Variants in AATK observed in about 807,000 individuals in gnomAD.
AATK encodes lemur tail kinase 1.
AATK carries 91 observed loss-of-function variants against 114.3 expected under a neutral mutation model. The ratio of observed to expected loss-of-function variants is 0.80; its 90% CI spans 0.67 to 0.95. AATK has a LOEUF of 0.95. Ranked by LOEUF, AATK falls within the 40% of genes least tolerant of loss-of-function variation. The probability of loss-of-function intolerance (pLI) is 0.00; values close to 1 mark genes in which losing one functional copy is unlikely to be tolerated. For synonymous variants in AATK, 1,075 were observed against 916.5 expected, an observed-to-expected ratio of 1.17 and a Z score of -3.12; for missense variants, 2,176 against 1,965.2, an observed-to-expected ratio of 1.11 and a Z score of -2.03.
intron 10 of AATK, 21 bp downstream of exon 10, chr17:81,123,173 A>G: frequency 7.0e-7 from 1 of 1,420,470 alleles, no homozygotes; most frequent in Non-Finnish European, 9.2e-7. Flanking sequence ...GCTGTCCGGG[A>G]CAGGGCAGTG....
intron 1 of AATK, among the ~76,000 whole-genome samples, chr17:81,135,586 A>G (rs2146338637): frequency 6.6e-6 from 1 of 151,982 alleles, no homozygotes; most frequent in Non-Finnish European, 1.5e-5. Flanking sequence ...TCTCTACCCC[A>G]CTGGACGAGC....
chr17:81,162,830 C>T (rs1212124508), intron 1 of AATK, among the ~76,000 whole-genome samples: 1 of 151,916 alleles, frequency 6.6e-6, no homozygotes. Flanking sequence ...AGGGGAGAGG[C>T]GGGGGTTGGG....
intron 1 of AATK, among the ~76,000 whole-genome samples, chr17:81,158,785 C>G (rs2061396931): frequency 6.6e-6 from 1 of 152,218 alleles, no homozygotes; most frequent in African/African-American, 2.4e-5. Flanking sequence ...TGCTCACGAG[C>G]CCGGGCGTTA....
Position 81,122,639 on chromosome 17 carries a change from G to C in AATK, c.1297C>G (p.Pro433Ala), listed in dbSNP as rs762246051. ...GVGPGPGAAG[P>A]MLGGVVELAA... ...AGCTCCACCACGCCGCCCAGCATGG[G>C]CCCCGCCGCACCGGGCCCGGGCCCC... Residue 433 changes from proline to alanine, a missense_variant, in exon 11 of 14, where the codon CCC (proline) becomes GCC (alanine). Pro to Ala is a conservative substitution (Grantham distance 27, BLOSUM62 -1). Transcript: ENST00000326724. 4 of 1,438,578 alleles carry C rather than the reference G, an allele frequency of 2.8e-6. No individual in the cohort carries two copies. In the African/African-American group the frequency reaches 4.5e-5, roughly 16 times the overall value. 89.1% of individuals were successfully genotyped at this position (1,438,578 alleles called of 1,614,324 possible). A position where few individuals can be genotyped will look rare whatever the true frequency, so the allele number is the denominator to read the frequency against.
At chr17:81,137,520 T>C (rs916240593) in intron 1 of AATK, among the ~76,000 whole-genome samples, 10 of 152,124 alleles carry the variant, frequency 6.6e-5, no homozygotes, top group Non-Finnish European at 1.3e-4. Context: ...TGGAGCCTTC[T>C]CTGTGCCCTC....
rs555720054 is a variant in AATK, at chr17:81,137,435, C to T, written c.56-2934G>A. ...ACAGTCTCTCGGCCGCAGGCTGATGCCTCCCTCAGGCCCACCTGCTCTCGG... is the reference window on the plus strand; with the variant it reads ...ACAGTCTCTCGGCCGCAGGCTGATGTCTCCCTCAGGCCCACCTGCTCTCGG... On this transcript the variant is annotated intron_variant, in intron 1 of 13. Coordinates refer to ENST00000326724, the MANE Select transcript of AATK (RefSeq NM_001080395.3). 3.0e-3 allele frequency among the ~76,000 whole-genome samples: 459 copies of T among 152,140 alleles called. 4 individuals are homozygous for T. The highest frequency in any genetic ancestry group is 0.011 in the African/African-American group (448 of 41,482).
At chr17:81,131,002 C>G (rs2060922287) in intron 3 of AATK, 59 bp downstream of exon 3, 1 of 1,524,404 alleles carries the variant, frequency 6.6e-7, no homozygotes, top group Non-Finnish European at 8.8e-7. Context: ...AGATCACACC[C>G]AACGCCCAGC....
At chr17:81,120,179 AC>A in intron 11 of AATK, 21 bp downstream of exon 11, 1 of 1,548,350 alleles carries the variant, frequency 6.5e-7, no homozygotes, top group African/African-American at 1.4e-5. Context: ...CCCCGGGCAG[AC>A]CCCGGGTGGC....
chr17:81,125,842 G>C (rs12941430), intron 7 of AATK: 1 of 461,996 alleles, frequency 2.2e-6, no homozygotes, highest in African/African-American at 2.0e-5. Context: ...GGGCAGGGCA[G>C]CTGGGGCCCG....
Position 81,126,082 on chromosome 17 carries a change from C to T in AATK, c.755+345G>A, listed in dbSNP as rs541955820. On this transcript the variant is annotated intron_variant, in intron 7 of 13. Coordinates refer to ENST00000326724, the MANE Select transcript of AATK (RefSeq NM_001080395.3). This position sits in a 1 kb window ranked among gnomAD's most constrained non-coding sequence, Gnocchi z 5.1. The stretch of plus-strand genomic sequence containing the variant: ...ACAGAACCCTCCCTCCAGGGTCCTT[C>T]GAAGCAGGGTCTGTCTCCCTCAAGC... 4.7e-4 allele frequency: 228 copies of T among 481,726 alleles called. No homozygotes were observed. Among genetic ancestry groups the T allele is most frequent in the Non-Finnish European group, 4.4e-4 (106 of 241,308 alleles). 29.8% of individuals were successfully genotyped at this position (481,726 alleles called of 1,614,324 possible).
chr17:81,144,386 G>C (rs1181648576), intron 1 of AATK, among the ~76,000 whole-genome samples: 1 of 152,258 alleles, frequency 6.6e-6, no homozygotes, highest in Non-Finnish European at 1.5e-5. Flanking sequence ...CACACCTGGG[G>C]CAAGGTAGCC....
At chr17:81,145,401 A>G (rs537330774) in intron 1 of AATK, among the ~76,000 whole-genome samples, 1 of 152,274 alleles carries the variant, frequency 6.6e-6, no homozygotes, top group South Asian at 2.1e-4. Flanking sequence ...AATGGAAGGG[A>G]TCGCAAAAGA....
At chr17:81,155,388 TTA>T (rs946185223) in intron 1 of AATK, among the ~76,000 whole-genome samples, 7 of 110,864 alleles carry the variant, frequency 6.3e-5, no homozygotes, top group East Asian at 2.5e-4. Flanking sequence ...CCTATTATTA[TTA>T]TTATTATTAT....
intron 1 of AATK, among the ~76,000 whole-genome samples, chr17:81,154,847 C>A (rs879909122): frequency 0.13 from 18,097 of 141,392 alleles, 2,152 homozygotes; most frequent in African/African-American, 0.28. Flanking sequence ...CCAGGCTGGT[C>A]TCAAACTCCT....
chr17:81,144,082 G>A (rs535871359), intron 1 of AATK, among the ~76,000 whole-genome samples: 8 of 152,120 alleles, frequency 5.3e-5, no homozygotes, highest in Middle Eastern at 3.4e-3. Flanking sequence ...GTCCCCGCTC[G>A]GCCCTTCAGG....
At chr17:81,125,436 G>A (rs2060798212) in intron 7 of AATK, 2 of 436,840 alleles carry the variant, frequency 4.6e-6, no homozygotes, top group South Asian at 3.5e-5. Flanking sequence ...GAGTGTCCCA[G>A]GGGTCCTGCC....
In AATK at chr17:81,118,246, A is replaced by C. The variant is rs1319571849; in HGVS notation, c.*156T>G. The C allele has an allele frequency of 2.9e-6, 2 of 696,662 alleles. No individual in the cohort carries two copies. The highest frequency in any genetic ancestry group is 4.8e-6 in the Non-Finnish European group (2 of 414,646). The allele number at this position is 696,662 out of a possible 1,614,324, so 43.2% of individuals were successfully genotyped here. On this transcript the variant is annotated 3_prime_UTR_variant, in exon 14 of 14. Transcript: ENST00000326724. ...TCTACCATCCAGGGCCTCTCATCCCACGGGCTTCTCCAGGACACCGCGTGG... is the reference window on the plus strand; with the variant it reads ...TCTACCATCCAGGGCCTCTCATCCCCCGGGCTTCTCCAGGACACCGCGTGG...
intron 1 of AATK, among the ~76,000 whole-genome samples, chr17:81,147,671 G>A (rs1336060580): frequency 2.0e-5 from 3 of 151,966 alleles, no homozygotes; most frequent in South Asian, 2.1e-4. Context: ...TCGGAGGATC[G>A]CTTAAGCCCA....
At chr17:81,161,332 T>C (rs993317848) in intron 1 of AATK, among the ~76,000 whole-genome samples, 2 of 152,158 alleles carry the variant, frequency 1.3e-5, no homozygotes, top group Admixed American at 6.5e-5. Flanking sequence ...CGTGGCCTCC[T>C]TCCCGCGTGC....
Sources: allele counts gnomAD v4.1 joint callset (sites outside exome capture counted in the v4.1 genomes callset), GRCh38; gene constraint gnomAD v4.1.1; non-coding constraint Gnocchi (gnomAD v3.1); transcripts MANE v1.5; gene names NCBI Gene and HGNC (gene_info 2026-07-23, HGNC 2026-07-21).